Variants in CACNA2D3 observed in about 807,000 individuals in gnomAD.
CACNA2D3 encodes voltage-dependent calcium channel subunit alpha-2/delta-3.
Under a neutral mutation model 160.6 loss-of-function variants are expected in CACNA2D3, and 60 were observed. The ratio of observed to expected loss-of-function variants is 0.37; its 90% confidence interval spans 0.30 to 0.46. The LOEUF is 0.46. Among genes scored for constraint, CACNA2D3 ranks in the 20% least tolerant of loss-of-function variants. The pLI is 1.00. For synonymous variants in CACNA2D3, 558 were observed against 492.9 expected, an observed-to-expected ratio of 1.13 and a Z score of -1.75; for missense variants, 1,205 against 1,365.0, an observed-to-expected ratio of 0.88 and a Z score of 1.85.
intron 17 of CACNA2D3, among the ~76,000 whole-genome samples, chr3:54,857,297 G>A (rs902268714): frequency 1.3e-5 from 2 of 152,284 alleles, no homozygotes; most frequent in African/African-American, 2.4e-5. Flanking sequence ...TCGTGAAGTC[G>A]TTGCTGGTAC....
intron 2 of CACNA2D3, among the ~76,000 whole-genome samples, chr3:54,281,368 A>C (rs532926876): frequency 2.6e-5 from 4 of 152,210 alleles, no homozygotes; most frequent in African/African-American, 7.2e-5. Context: ...TTGCCGAAAA[A>C]CACAAGGCTA....
rs527849070 is a variant in CACNA2D3, at chr3:54,387,134, C to G, written c.381+360C>G. 4.6e-4 allele frequency among the ~76,000 whole-genome samples: 70 copies of G among 152,310 alleles called. 3 individuals are homozygous for G. In the South Asian group the frequency reaches 0.014, roughly 32 times the overall value. On this transcript the variant is annotated intron_variant, in intron 4 of 37. Coordinates refer to ENST00000474759, the MANE Select transcript of CACNA2D3 (RefSeq NM_018398.3). The stretch of plus-strand genomic sequence containing the variant: ...ACTTGGCTGGCTGCATTTTGGAATG[C>G]AAGTGACTGAAAGCAATACTGTGAT...
At chr3:55,012,812 G>A (rs1703238752) in intron 34 of CACNA2D3, among the ~76,000 whole-genome samples, 1 of 152,132 alleles carries the variant, frequency 6.6e-6, no homozygotes, top group African/African-American at 2.4e-5. Context: ...CCTAGACCAA[G>A]GGGTGCAGAG....
At chr3:54,911,351 C>CTTTTTTTTT (rs58289082) in intron 27 of CACNA2D3, among the ~76,000 whole-genome samples, 1,559 of 58,516 alleles carry the variant, frequency 0.027, 287 homozygotes, top group African/African-American at 0.094. Context: ...TCTTTGTCGT[C>CTTTTTTTTT]TTTTTTTTTT....
intron 2 of CACNA2D3, among the ~76,000 whole-genome samples, chr3:54,284,038 G>T (rs941638867): frequency 6.6e-6 from 1 of 152,050 alleles, no homozygotes; most frequent in Non-Finnish European, 1.5e-5. Flanking sequence ...CTCCAGCCTG[G>T]GCGACACAGT....
chr3:54,848,485 G>A lies in CACNA2D3; in HGVS notation c.1626+2018G>A, dbSNP rs148177843. Reference sequence around the variant, plus strand: ...AAACCATATGAACCATGTTGCAGCTGATCCATGACAAGAACATAAGGAATG... The same window carrying A: ...AAACCATATGAACCATGTTGCAGCTAATCCATGACAAGAACATAAGGAATG... On this transcript the variant is annotated intron_variant, in intron 17 of 37. Coordinates refer to ENST00000474759, the MANE Select transcript of CACNA2D3 (RefSeq NM_018398.3). Among the ~76,000 whole-genome samples the A allele has an allele frequency of 5.3e-5, 8 of 152,288 alleles. No individual in the cohort carries two copies. In the East Asian group the frequency reaches 1.2e-3, roughly 22 times the overall value.
chr3:54,526,105 GTC>G (rs558608170), intron 5 of CACNA2D3, among the ~76,000 whole-genome samples: 73 of 151,954 alleles, frequency 4.8e-4, no homozygotes, highest in Non-Finnish European at 8.2e-4. Flanking sequence ...ATGCTTTTGA[GTC>G]TCTCTAAAGA....
At chr3:54,304,815 A>T (rs4078009) in intron 2 of CACNA2D3, among the ~76,000 whole-genome samples, 34,005 of 151,958 alleles carry the variant, frequency 0.22, 4,090 homozygotes, top group South Asian at 0.34. Context: ...CTATGTCACA[A>T]AGCAAATTTA....
At chr3:54,263,770 G>C (rs1371786879) in intron 2 of CACNA2D3, among the ~76,000 whole-genome samples, 1 of 152,114 alleles carries the variant, frequency 6.6e-6, no homozygotes, top group Non-Finnish European at 1.5e-5. Context: ...ACACAGCCTT[G>C]CCTAATGAAA....
chr3:54,166,252 C>T (rs548026863), intron 2 of CACNA2D3, among the ~76,000 whole-genome samples: 1 of 152,302 alleles, frequency 6.6e-6, no homozygotes, highest in Non-Finnish European at 1.5e-5. Flanking sequence ...ACTCTGTGGT[C>T]CTGAGGACCA....
chr3:54,354,730 G>A (rs962138129), intron 3 of CACNA2D3, among the ~76,000 whole-genome samples: 5 of 152,196 alleles, frequency 3.3e-5, no homozygotes, highest in Admixed American at 1.3e-4. Flanking sequence ...CTAAGACCAC[G>A]TCTGCTGGAC....
intron 27 of CACNA2D3, among the ~76,000 whole-genome samples, chr3:54,942,795 C>T (rs961179486): frequency 2.6e-5 from 4 of 151,980 alleles, no homozygotes; most frequent in Non-Finnish European, 4.4e-5. Context: ...GAGGCCGAGG[C>T]GGGTGGATCA....
intron 27 of CACNA2D3, among the ~76,000 whole-genome samples, chr3:54,939,944 T>A (rs1701425114): frequency 6.6e-6 from 1 of 152,198 alleles, no homozygotes; most frequent in African/African-American, 2.4e-5. Flanking sequence ...ACCACTCCCT[T>A]TCCATGATGG....
chr3:54,618,025 G>C (rs1698893120), intron 9 of CACNA2D3, among the ~76,000 whole-genome samples: 1 of 151,098 alleles, frequency 6.6e-6, no homozygotes, highest in South Asian at 2.1e-4. Context: ...TAAAAATACA[G>C]TGCCATAAGG....
At chr3:54,776,483 C>G (rs752615955) in intron 13 of CACNA2D3, among the ~76,000 whole-genome samples, 4 of 152,224 alleles carry the variant, frequency 2.6e-5, no homozygotes, top group African/African-American at 7.2e-5. Context: ...CCACTGCACT[C>G]TAGCCTGGGC....
At chr3:54,750,056 A>G (rs1442147586) in intron 11 of CACNA2D3, among the ~76,000 whole-genome samples, 1 of 152,202 alleles carries the variant, frequency 6.6e-6, no homozygotes, top group Non-Finnish European at 1.5e-5. Context: ...TCTGATCTGA[A>G]GTTTGGCACA....
chr3:54,245,308 G>GGT (rs58946501), intron 2 of CACNA2D3, among the ~76,000 whole-genome samples: 5,299 of 149,174 alleles, frequency 0.036, 105 homozygotes, highest in African/African-American at 0.058. Context: ...CATGTGTATG[G>GGT]GTGTGTGTGT....
At chr3:54,138,054 A>G (rs1363985107) in intron 2 of CACNA2D3, among the ~76,000 whole-genome samples, 1 of 152,204 alleles carries the variant, frequency 6.6e-6, no homozygotes, top group Non-Finnish European at 1.5e-5. Context: ...CACCACTGCG[A>G]CGATCCCATG....
Position 54,419,065 on chromosome 3 carries a change from T to C in CACNA2D3, c.381+32291T>C, listed in dbSNP as rs142365185. Among the ~76,000 whole-genome samples the C allele has an allele frequency of 3.3e-5, 5 of 152,274 alleles. No homozygotes were observed. In the East Asian group the frequency reaches 5.8e-4, roughly 18 times the overall value. On this transcript the variant is annotated intron_variant, in intron 4 of 37. Coordinates refer to ENST00000474759, the MANE Select transcript of CACNA2D3 (RefSeq NM_018398.3). ...GGAGGATCATCTCAAGAGTTAGATA[T>C]GCAGTAGGATGAGAGTTAAAATACA...
Sources: allele counts gnomAD v4.1 joint callset (sites outside exome capture counted in the v4.1 genomes callset), GRCh38; gene constraint gnomAD v4.1.1; transcripts MANE v1.5; gene names NCBI Gene and HGNC (gene_info 2026-07-23, HGNC 2026-07-21).